Variants in FBXO8 observed in about 807,000 individuals in gnomAD.
FBXO8 encodes F-box only protein 8.
FBXO8 carries 15 observed loss-of-function variants against 33.4 expected under a neutral mutation model. The observed-to-expected ratio is 0.45, with a 90% CI of 0.30 to 0.69. FBXO8 has a LOEUF of 0.69. FBXO8 is among the 30% of genes least tolerant of loss of function. The probability of loss-of-function intolerance (pLI) is 0.08; values close to 1 mark genes in which losing one functional copy is unlikely to be tolerated. For synonymous variants in FBXO8, 132 were observed against 131.5 expected, an observed-to-expected ratio of 1.00 and a Z score of -0.02; for missense variants, 274 against 380.3, an observed-to-expected ratio of 0.72 and a Z score of 2.32.
intron 1 of FBXO8, among the ~76,000 whole-genome samples, chr4:174,266,773 A>G (rs2126441359): frequency 6.6e-6 from 1 of 152,362 alleles, no homozygotes; most frequent in Non-Finnish European, 1.5e-5. Flanking sequence ...GCAAAAAATA[A>G]TAATGATAAA....
chr4:174,260,431 A>C (rs1665591614), intron 2 of FBXO8, among the ~76,000 whole-genome samples: 1 of 152,042 alleles, frequency 6.6e-6, no homozygotes, highest in South Asian at 2.1e-4. Context: ...TTTTTCAAAT[A>C]ATACACGTTA....
chr4:174,237,786 G>C lies in FBXO8; in HGVS notation c.773-187C>G, dbSNP rs1420829673. Among the ~76,000 whole-genome samples the C allele has an allele frequency of 6.6e-6, 1 of 151,842 alleles. No homozygotes were observed. On this transcript the variant is annotated intron_variant, in intron 5 of 5. Coordinates refer to ENST00000393674, the MANE Select transcript of FBXO8 (RefSeq NM_012180.3). This position sits in a 1 kb window ranked among gnomAD's most constrained non-coding sequence, Gnocchi z 4.4. ...TTGCACTGAAAGTCCTGTCATCCTGGGAAACTCAATCCTGAGCAAACCAGG... is the reference window on the plus strand; with the variant it reads ...TTGCACTGAAAGTCCTGTCATCCTGCGAAACTCAATCCTGAGCAAACCAGG...
chr4:174,238,032 A>G (rs1035647583), intron 5 of FBXO8, among the ~76,000 whole-genome samples: 1 of 152,054 alleles, frequency 6.6e-6, no homozygotes, highest in African/African-American at 2.4e-5. Context: ...ATTTATATAG[A>G]ATGCTTTCAT....
rs139621967 is a variant in FBXO8 at position 174,241,387 on chromosome 4, T to C, written c.457-169A>G. Among the ~76,000 whole-genome samples, 487 of 151,806 alleles carry C rather than the reference T, an allele frequency of 3.2e-3. 3 individuals are homozygous for C. The highest frequency in any genetic ancestry group is 0.011 in the African/African-American group (461 of 41,542). ...GAACTTGAACTGAAACTATTGTTTG[T>C]GGTTGATAGTTTACATGCAATGAAA... On this transcript the variant is annotated intron_variant, in intron 3 of 5. Coordinates refer to ENST00000393674, the MANE Select transcript of FBXO8 (RefSeq NM_012180.3). The surrounding 1 kb of genome is among the most constrained non-coding windows in gnomAD (Gnocchi z 4.2).
rs1263779237 is a variant in FBXO8, at chr4:174,245,451, A to C, written c.457-4233T>G. ...GTTCCAGTTAATACTGTATTATATG[A>C]GCAAAAGTAATATATAATTTTTAAA... On this transcript the variant is annotated intron_variant, in intron 3 of 5. Transcript: ENST00000393674. This position sits in a 1 kb window ranked among gnomAD's most constrained non-coding sequence, Gnocchi z 4.6. 2.6e-5 allele frequency among the ~76,000 whole-genome samples: 4 copies of C among 151,952 alleles called. No homozygotes were observed. Among genetic ancestry groups the C allele is most frequent in the African/African-American group, 9.7e-5 (4 of 41,430 alleles).
intron 5 of FBXO8, 77 bp downstream of exon 5, chr4:174,238,917 G>T: frequency 1.1e-6 from 1 of 935,994 alleles, no homozygotes; most frequent in Non-Finnish European, 1.5e-6. Context: ...CCCACAGTGA[G>T]ACAAATGTCT....
Position 174,257,407 on chromosome 4 carries a change from C to G in FBXO8, c.456+2292G>C, listed in dbSNP as rs1161783362. 6.6e-6 allele frequency among the ~76,000 whole-genome samples: 1 copy of G among 152,014 alleles called. No homozygotes were observed. Among genetic ancestry groups the G allele is most frequent in the Non-Finnish European group, 1.5e-5 (1 of 67,962 alleles). On this transcript the variant is annotated intron_variant, in intron 3 of 5. Coordinates refer to ENST00000393674, the MANE Select transcript of FBXO8 (RefSeq NM_012180.3). This position sits in a 1 kb window ranked among gnomAD's most constrained non-coding sequence, Gnocchi z 4.3. ...TAACAATCTACAACTTAGTACTTACCAGGTTACATTTCTCTTATAATGTAA... is the reference window on the plus strand; with the variant it reads ...TAACAATCTACAACTTAGTACTTACGAGGTTACATTTCTCTTATAATGTAA...
chr4:174,275,465 G>A lies in FBXO8; in HGVS notation c.-9+7945C>T, dbSNP rs1029321579. Among the ~76,000 whole-genome samples the A allele has an allele frequency of 6.6e-6, 1 of 152,092 alleles. No individual in the cohort carries two copies. Among genetic ancestry groups the A allele is most frequent in the Admixed American group, 6.5e-5 (1 of 15,268 alleles). ...TTACCAATCAGAGAAACTAGGTAAA[G>A]TGTACAAGGGATGACTCTATATTTC... On this transcript the variant is annotated intron_variant, in intron 1 of 5. Coordinates refer to ENST00000393674, the MANE Select transcript of FBXO8 (RefSeq NM_012180.3). The surrounding 1 kb of genome is among the most constrained non-coding windows in gnomAD (Gnocchi z 4.4).
Position 174,241,584 on chromosome 4 carries a change from T to C in FBXO8, c.457-366A>G, listed in dbSNP as rs1340838568. Among the ~76,000 whole-genome samples the C allele has an allele frequency of 1.3e-5, 2 of 151,554 alleles. No individual in the cohort carries two copies. Among genetic ancestry groups the C allele is most frequent in the African/African-American group, 2.4e-5 (1 of 41,404 alleles). Reference sequence around the variant, plus strand: ...TTTAACAAACACTTCTGCTGTCTAATACAAAACATGATTTCTTAAAGCTCA... The same window carrying C: ...TTTAACAAACACTTCTGCTGTCTAACACAAAACATGATTTCTTAAAGCTCA... On this transcript the variant is annotated intron_variant, in intron 3 of 5. Coordinates refer to ENST00000393674, the MANE Select transcript of FBXO8 (RefSeq NM_012180.3). The surrounding 1 kb of genome is among the most constrained non-coding windows in gnomAD (Gnocchi z 4.2).
chr4:174,259,568 T>C lies in FBXO8; in HGVS notation c.456+131A>G, dbSNP rs763555583. On this transcript the variant is annotated intron_variant, in intron 3 of 5. Coordinates refer to ENST00000393674, the MANE Select transcript of FBXO8 (RefSeq NM_012180.3). The surrounding 1 kb of genome is among the most constrained non-coding windows in gnomAD (Gnocchi z 4.3). ...TGTCACATAGCAATAGTTTAAAATA[T>C]TGGTTTTCTCAGTGATCAAAAAAGC... 7.3e-5 allele frequency: 84 copies of C among 1,147,738 alleles called. No homozygotes were observed. The highest frequency in any genetic ancestry group is 1.0e-4 in the Non-Finnish European group (82 of 798,950). 71.1% of individuals were successfully genotyped at this position (1,147,738 alleles called of 1,614,324 possible). A position where few individuals can be genotyped will look rare whatever the true frequency, so the allele number is the denominator to read the frequency against.
In FBXO8 at chr4:174,272,441, AT is replaced by A. The variant is rs1458776468; in HGVS notation, c.-8-9342del. Among the ~76,000 whole-genome samples, 2 of 152,080 alleles carry A rather than the reference AT, an allele frequency of 1.3e-5. No individual in the cohort carries two copies. Among genetic ancestry groups the A allele is most frequent in the African/African-American group, 4.8e-5 (2 of 41,396 alleles). ...ATTTATTGTTGTACTGTTACTTTCT[AT>A]TTTTTTCCAAATAGTTTCAATTGTG... On this transcript the variant is annotated intron_variant, in intron 1 of 5. Transcript: ENST00000393674. The surrounding 1 kb of genome is among the most constrained non-coding windows in gnomAD (Gnocchi z 4.7).
intron 3 of FBXO8, among the ~76,000 whole-genome samples, chr4:174,246,502 G>A (rs1736159848): frequency 6.6e-6 from 1 of 151,842 alleles, no homozygotes; most frequent in African/African-American, 2.4e-5. Context: ...TGAGCTCAAG[G>A]TAAGGAAACT....
chr4:174,238,757 ATG>A (rs1188705997), intron 5 of FBXO8, among the ~76,000 whole-genome samples: 1 of 110,888 alleles, frequency 9.0e-6, no homozygotes, highest in Non-Finnish European at 2.0e-5. Context: ...ATACATAGCC[ATG>A]TATATATATA....
intron 3 of FBXO8, among the ~76,000 whole-genome samples, chr4:174,250,134 A>G (rs989593174): frequency 6.6e-6 from 1 of 152,052 alleles, no homozygotes; most frequent in Admixed American, 6.6e-5. Context: ...GAACACTGTT[A>G]TAAGTATTAT....
Position 174,251,857 on chromosome 4 carries a change from A to C in FBXO8, c.456+7842T>G, listed in dbSNP as rs945949844. Among the ~76,000 whole-genome samples, 2 of 152,168 alleles carry C rather than the reference A, an allele frequency of 1.3e-5. No individual in the cohort carries two copies. Among genetic ancestry groups the C allele is most frequent in the South Asian group, 4.2e-4 (2 of 4,812 alleles). ...GGTAAACAGTTCTTACAGAGGGGGGAGCTACTTAAGCCATATTTGGTGAGG... is the reference window on the plus strand; with the variant it reads ...GGTAAACAGTTCTTACAGAGGGGGGCGCTACTTAAGCCATATTTGGTGAGG... On this transcript the variant is annotated intron_variant, in intron 3 of 5. Coordinates refer to ENST00000393674, the MANE Select transcript of FBXO8 (RefSeq NM_012180.3). This position sits in a 1 kb window ranked among gnomAD's most constrained non-coding sequence, Gnocchi z 4.2.
Position 174,251,750 on chromosome 4 carries a change from AG to A in FBXO8, c.456+7948del. Among the ~76,000 whole-genome samples the A allele has an allele frequency of 6.6e-6, 1 of 152,226 alleles. No individual in the cohort carries two copies. The highest frequency in any genetic ancestry group is 2.1e-4 in the South Asian group (1 of 4,820). On this transcript the variant is annotated intron_variant, in intron 3 of 5. Transcript: ENST00000393674. The surrounding 1 kb of genome is among the most constrained non-coding windows in gnomAD (Gnocchi z 4.2). ...AGAGGAAGAGGCTATTTAGTGTCTG[AG>A]AGGCATAATTTTTCACTTTGACTCT...
In FBXO8 at chr4:174,241,532, C is replaced by T. The variant is rs1167353563; in HGVS notation, c.457-314G>A. Among the ~76,000 whole-genome samples, 2 of 151,472 alleles carry T rather than the reference C, an allele frequency of 1.3e-5. No homozygotes were observed. Among genetic ancestry groups the T allele is most frequent in the Non-Finnish European group, 3.0e-5 (2 of 67,552 alleles). On this transcript the variant is annotated intron_variant, in intron 3 of 5. Coordinates refer to ENST00000393674, the MANE Select transcript of FBXO8 (RefSeq NM_012180.3). This position sits in a 1 kb window ranked among gnomAD's most constrained non-coding sequence, Gnocchi z 4.2. ...TTGGGGAAGGGGGCTGCAGATGAAA[C>T]CACAATACAGACGTTAAAACAAGCC...
At chr4:174,271,353 C>T (rs1431930101) in intron 1 of FBXO8, among the ~76,000 whole-genome samples, 1 of 152,110 alleles carries the variant, frequency 6.6e-6, no homozygotes, top group Non-Finnish European at 1.5e-5. Context: ...GAGAGAAATT[C>T]AGAGTCAAAT....
Position 174,256,922 on chromosome 4 carries a change from A to G in FBXO8, c.456+2777T>C. 6.6e-6 allele frequency among the ~76,000 whole-genome samples: 1 copy of G among 152,160 alleles called. No individual in the cohort carries two copies. ...TTAAATCAGGCCAGGGAGTAAAAAA[A>G]AAAGAAAATACAGCCAACTCTCAAT... On this transcript the variant is annotated intron_variant, in intron 3 of 5. Coordinates refer to ENST00000393674, the MANE Select transcript of FBXO8 (RefSeq NM_012180.3). This position sits in a 1 kb window ranked among gnomAD's most constrained non-coding sequence, Gnocchi z 4.6.
Sources: allele counts gnomAD v4.1 joint callset (sites outside exome capture counted in the v4.1 genomes callset), GRCh38; gene constraint gnomAD v4.1.1; non-coding constraint Gnocchi (gnomAD v3.1); transcripts MANE v1.5; gene names NCBI Gene and HGNC (gene_info 2026-07-23, HGNC 2026-07-21).